The following RSF1 variants were observed in gnomAD, a reference collection of about 807,000 sequenced individuals.
The protein encoded by RSF1 is remodeling and spacing factor 1, also known as HBV pX-associated protein 8.
In RSF1, 13 loss-of-function variants were observed where a neutral mutation model predicts 145.2. The observed-to-expected ratio is 0.09, with a 90% CI of 0.06 to 0.14. RSF1 has a LOEUF of 0.14. Among genes scored for constraint, RSF1 ranks in the 10% least tolerant of loss-of-function variants. The probability of loss-of-function intolerance (pLI) is 1.00; values close to 1 mark genes in which losing one functional copy is unlikely to be tolerated. For missense variants in RSF1, 1,517 were observed against 1,718.2 expected, an observed-to-expected ratio of 0.88 and a Z score of 2.07; for synonymous variants, 577 against 592.6, an observed-to-expected ratio of 0.97 and a Z score of 0.38.
chr11:77,855,720 C>CTTTTTTT, the RSF1 span, among the ~76,000 whole-genome samples: 1 of 127,978 alleles, frequency 7.8e-6, no homozygotes. Flanking sequence ...AGTTTTATGT[C>CTTTTTTT]TTTTTTTTTT....
chr11:77,684,944 G>A (rs761852043), intron 10 of RSF1, among the ~76,000 whole-genome samples, 161 bp downstream of exon 10: 26 of 151,898 alleles, frequency 1.7e-4, no homozygotes, highest in Non-Finnish European at 3.1e-4. Context: ...CAGAGATTGC[G>A]CCATTGCACT....
the RSF1 span, chr11:77,855,466 C>A: frequency 5.1e-6 from 1 of 194,728 alleles, no homozygotes; most frequent in Non-Finnish European, 1.1e-5. Flanking sequence ...ACTACAGGTG[C>A]CTGCCACCAC....
At position 77,702,280 on chromosome 11, in the gene RSF1, C is replaced by T; in HGVS notation, c.949G>A (p.Glu317Lys). 6.2e-7 allele frequency: 1 copy of T among 1,608,954 alleles called. No individual in the cohort carries two copies. Among genetic ancestry groups the T allele is most frequent in the Non-Finnish European group, 8.5e-7 (1 of 1,178,816 alleles). Residue 317 changes from glutamate (E) to lysine (K), a missense_variant, in exon 6 of 16, where the codon GAA (glutamate) becomes AAA (lysine). Physicochemically the swap from Glu to Lys is moderately conservative, Grantham distance 56. This residue lies in a region of RSF1 where 207 missense variants were observed against 191.4 expected (regional missense o/e 1.08). Transcript: ENST00000308488. Reference sequence around the variant, plus strand: ...TCAACTTTAATGGGTTTGACATTTTCCTTGAAGGAATCACTTTCTTCTTTG... The same window carrying T: ...TCAACTTTAATGGGTTTGACATTTTTCTTGAAGGAATCACTTTCTTCTTTG... ...IIKEESDSFK[E>K]NVKPIKVEVK...
chr11:77,751,296 G>A (rs1190471251), intron 2 of RSF1, among the ~76,000 whole-genome samples: 2 of 152,074 alleles, frequency 1.3e-5, no homozygotes, highest in East Asian at 1.9e-4. Flanking sequence ...TTAAAAAGAG[G>A]GTGTGAAATG....
intron 3 of RSF1, among the ~76,000 whole-genome samples, chr11:77,742,629 T>C (rs1257680581): frequency 6.6e-6 from 1 of 152,220 alleles, no homozygotes; most frequent in Non-Finnish European, 1.5e-5. Flanking sequence ...TCTCTTGTCT[T>C]GTCTTTTTGA....
At chr11:77,863,264 C>T in the RSF1 span, among the ~76,000 whole-genome samples, 438 of 152,184 alleles carry the variant, frequency 2.9e-3, 1 homozygote, top group African/African-American at 9.9e-3. Flanking sequence ...CAATCGGGAG[C>T]GGCAATGGGC....
At chr11:77,705,236 A>C (rs1237292727) in intron 5 of RSF1, among the ~76,000 whole-genome samples, 1 of 152,240 alleles carries the variant, frequency 6.6e-6, no homozygotes, top group East Asian at 1.9e-4. Context: ...TGTCAAAAGA[A>C]AGTTGTAAAA....
chr11:77,835,429 CTT>C, the RSF1 span, among the ~76,000 whole-genome samples: 3 of 151,812 alleles, frequency 2.0e-5, no homozygotes, highest in African/African-American at 7.3e-5. Context: ...AGACTTTAAA[CTT>C]TGTCTTATTT....
intron 1 of RSF1, chr11:77,813,583 G>A: frequency 3.0e-6 from 2 of 666,322 alleles, no homozygotes; most frequent in South Asian, 1.6e-5. Flanking sequence ...ACCTTTTCCA[G>A]GGATTTTATG....
chr11:77,813,438 GA>G, intron 1 of RSF1: 2 of 1,211,784 alleles, frequency 1.7e-6, no homozygotes, highest in Non-Finnish European at 2.4e-6. Flanking sequence ...TTCTCATCTG[GA>G]AAGGATCCCA....
chr11:77,863,252 C>T, the RSF1 span, among the ~76,000 whole-genome samples: 1 of 152,142 alleles, frequency 6.6e-6, no homozygotes, highest in Non-Finnish European at 1.5e-5. Flanking sequence ...CTTTATTTAG[C>T]CCAATCGGGA....
At chr11:77,860,072 A>AG in the RSF1 span, among the ~76,000 whole-genome samples, 2 of 152,230 alleles carry the variant, frequency 1.3e-5, no homozygotes, top group Non-Finnish European at 2.9e-5. Context: ...GGTATGCCAC[A>AG]GGTTGCAAGC....
Position 77,661,940 on chromosome 11 carries a change from T to A in RSF1, c.*4977A>T, listed in dbSNP as rs1207886866. 1 of 152,050 alleles carries A rather than the reference T, an allele frequency of 6.6e-6. No individual in the cohort carries two copies. Among genetic ancestry groups the A allele is most frequent in the Non-Finnish European group, 1.5e-5 (1 of 67,968 alleles). The allele number at this position is 152,050 out of a possible 1,614,324, so 9.4% of individuals were successfully genotyped here. ...AAACCGCAAAACACTTAAATTAGAT[T>A]TCTTTAGAAACTGATGAAAGTCAAG... On this transcript the variant is annotated 3_prime_UTR_variant, in exon 16 of 16. Coordinates refer to ENST00000308488, the MANE Select transcript of RSF1 (RefSeq NM_016578.4).
chr11:77,700,853 T>G lies in RSF1; in HGVS notation c.2376A>C (p.Arg792Ser). 1 of 1,613,814 alleles carries G rather than the reference T, an allele frequency of 6.2e-7. No individual in the cohort carries two copies. Among genetic ancestry groups the G allele is most frequent in the African/African-American group, 1.3e-5 (1 of 75,056 alleles). ...CTCTTTTTTTATCAGCTTTCTGATCTCTGATCTCAGCCACTTTTGCAGTGG... is the reference window on the plus strand; with the variant it reads ...CTCTTTTTTTATCAGCTTTCTGATCGCTGATCTCAGCCACTTTTGCAGTGG... Reference protein sequence around the residue: ...SRPTAKVAEIRDQKADKKRGE... With the variant: ...SRPTAKVAEISDQKADKKRGE... Residue 792 changes from arginine (R) to serine (S), a missense_variant, in exon 6 of 16, where the codon AGA (arginine) becomes AGC (serine). By Grantham distance (110) the Arg-to-Ser change is moderately radical. Coordinates refer to ENST00000308488, the MANE Select transcript of RSF1 (RefSeq NM_016578.4).
chr11:77,820,920 G>A (rs1357264020), upstream of RSF1: 11 of 577,244 alleles, frequency 1.9e-5, no homozygotes, highest in African/African-American at 5.8e-5. Context: ...GAGACAGAGC[G>A]GCCCTCGGCG....
chr11:77,731,145 T>C lies in RSF1; in HGVS notation c.579-5446A>G, dbSNP rs547706557. Among the ~76,000 whole-genome samples, 28 of 152,276 alleles carry C rather than the reference T, an allele frequency of 1.8e-4. 1 individual carries two copies. The South Asian group carries it at 5.8e-3, about 32-fold the overall frequency. ...AAAATGCTGACAGCAATATGAACAA[T>C]AAGGCCCAGGCTGAGGTAGTCTCAG... On this transcript the variant is annotated intron_variant, in intron 4 of 15. Coordinates refer to ENST00000308488, the MANE Select transcript of RSF1 (RefSeq NM_016578.4).
the RSF1 span, among the ~76,000 whole-genome samples, chr11:77,863,914 A>G: frequency 2.6e-5 from 4 of 151,986 alleles, no homozygotes; most frequent in Non-Finnish European, 5.9e-5. Flanking sequence ...CAAATAGTTT[A>G]AATCCTTCAA....
chr11:77,823,181 C>A (rs1949002123), upstream of RSF1, among the ~76,000 whole-genome samples: 1 of 135,880 alleles, frequency 7.4e-6, no homozygotes, highest in Non-Finnish European at 1.5e-5. Context: ...TGCCACTGCA[C>A]TCCAGCCTGG....
At chr11:77,859,849 C>T in the RSF1 span, among the ~76,000 whole-genome samples, 2 of 152,212 alleles carry the variant, frequency 1.3e-5, no homozygotes, top group Non-Finnish European at 2.9e-5. Flanking sequence ...GCAGCACTGG[C>T]CCTTCAAGTA....
Sources: gnomAD v4.1 joint callset for allele counts (sites outside exome capture counted in the v4.1 genomes callset) on GRCh38, gnomAD v4.1.1 for gene constraint, gnomAD v4.1.1 regional missense constraint, MANE v1.5 for transcripts, NCBI Gene and HGNC (gene_info 2026-07-23, HGNC 2026-07-21) for gene names.